The following CORIN variants were observed in gnomAD, a reference collection of about 807,000 sequenced individuals.
The protein encoded by CORIN is atrial natriuretic peptide-converting enzyme.
CORIN carries 117 observed loss-of-function variants against 125.3 expected under a neutral mutation model. That is an observed-to-expected ratio of 0.93 (90% confidence interval 0.80 to 1.09). The LOEUF (loss-of-function observed/expected upper bound fraction) is 1.09. Among genes scored for constraint, CORIN ranks in the 50% least tolerant of loss-of-function variants. The probability of loss-of-function intolerance (pLI) is 0.00; values close to 1 mark genes in which losing one functional copy is unlikely to be tolerated. For synonymous variants in CORIN, 450 were observed against 466.4 expected, an observed-to-expected ratio of 0.96 and a Z score of 0.45; for missense variants, 1,253 against 1,306.7, an observed-to-expected ratio of 0.96 and a Z score of 0.63.
At chr4:47,820,791 A>C (rs1042209848) in intron 1 of CORIN, among the ~76,000 whole-genome samples, 6 of 151,926 alleles carry the variant, frequency 3.9e-5, no homozygotes, top group African/African-American at 1.5e-4. Flanking sequence ...GTCCTTATGG[A>C]ATACACGAAC....
At chr4:47,600,907 C>T (rs1721424140) in intron 20 of CORIN, among the ~76,000 whole-genome samples, 2 of 152,176 alleles carry the variant, frequency 1.3e-5, no homozygotes, top group South Asian at 2.1e-4. Flanking sequence ...ACAAAGCCAT[C>T]CCTTGGTATT....
intron 16 of CORIN, among the ~76,000 whole-genome samples, chr4:47,631,754 A>C (rs1016976352): frequency 1.3e-5 from 2 of 152,178 alleles, no homozygotes; most frequent in African/African-American, 4.8e-5. Flanking sequence ...CCCTAGGGGC[A>C]AAGTCACCCC....
intron 5 of CORIN, among the ~76,000 whole-genome samples, chr4:47,717,296 C>CA (rs1267964829): frequency 6.6e-6 from 1 of 152,174 alleles, no homozygotes; most frequent in Non-Finnish European, 1.5e-5. Context: ...CTCTCACCCA[C>CA]AGCTTTGACC....
Position 47,678,034 on chromosome 4 carries a change from C to T in CORIN, c.1153G>A (p.Val385Met). The T allele has an allele frequency of 6.2e-7, 1 of 1,613,786 alleles. No individual in the cohort carries two copies. Among genetic ancestry groups the T allele is most frequent in the Non-Finnish European group, 8.5e-7 (1 of 1,179,688 alleles). ...VNCSCHSQGLVECRNGQCIPS... is the reference protein window; with the variant it reads ...VNCSCHSQGLMECRNGQCIPS... ...ATACATTGTCCATTTCTGCATTCCA[C>T]CAGACCCTGGCTGTGACAGGCTAGG... Residue 385 changes from valine to methionine, a missense_variant, in exon 9 of 22, where the codon GTG becomes ATG. By Grantham distance (21) the Val-to-Met change is conservative (BLOSUM62 1). Coordinates refer to ENST00000273857, the MANE Select transcript of CORIN (RefSeq NM_006587.4).
chr4:47,837,347 G>C (rs186146595), intron 1 of CORIN: 3 of 167,020 alleles, frequency 1.8e-5, no homozygotes, highest in Non-Finnish European at 2.5e-5. Context: ...ACACCCAGGC[G>C]CTCGCAGCTG....
chr4:47,638,720 G>A lies in CORIN; in HGVS notation c.2198+3200C>T, dbSNP rs60289254. ...AAACCTCTTTTTCTTCCCAGTCTCGGGTATGTCTTTATTAGCAGCATAAAA... is the reference window on the plus strand; with the variant it reads ...AAACCTCTTTTTCTTCCCAGTCTCGAGTATGTCTTTATTAGCAGCATAAAA... On this transcript the variant is annotated intron_variant, in intron 16 of 21. Transcript: ENST00000273857. Among the ~76,000 whole-genome samples the A allele has an allele frequency of 8.1e-3, 1,237 of 152,138 alleles. 16 individuals carry two copies. The highest frequency in any genetic ancestry group is 0.028 in the African/African-American group (1,157 of 41,498).
chr4:47,674,177 T>C (rs751190347), intron 10 of CORIN, among the ~76,000 whole-genome samples: 38 of 152,202 alleles, frequency 2.5e-4, no homozygotes, highest in South Asian at 6.2e-4. Flanking sequence ...TGTGGACTTA[T>C]AGGCGTTCGC....
At chr4:47,730,142 G>A (rs1727800257) in intron 5 of CORIN, among the ~76,000 whole-genome samples, 1 of 152,176 alleles carries the variant, frequency 6.6e-6, no homozygotes, top group Non-Finnish European at 1.5e-5. Context: ...GGTCCATTGA[G>A]TTGATTAACA....
At chr4:47,732,470 G>T (rs1168614295) in intron 5 of CORIN, among the ~76,000 whole-genome samples, 1 of 151,992 alleles carries the variant, frequency 6.6e-6, no homozygotes, top group Non-Finnish European at 1.5e-5. Flanking sequence ...CCCTCTAGTA[G>T]ACTAATTCTA....
chr4:47,650,766 T>C (rs972852131), intron 13 of CORIN, among the ~76,000 whole-genome samples: 5 of 152,224 alleles, frequency 3.3e-5, no homozygotes, highest in Non-Finnish European at 7.3e-5. Context: ...CATACAGTAA[T>C]TGACATCTTA....
intron 5 of CORIN, among the ~76,000 whole-genome samples, chr4:47,742,281 G>A (rs959080727): frequency 1.1e-4 from 17 of 151,808 alleles, no homozygotes; most frequent in African/African-American, 4.1e-4. Flanking sequence ...GTGAAATATT[G>A]AAAACCTTCT....
At chr4:47,745,218 A>G (rs950627804) in intron 4 of CORIN, among the ~76,000 whole-genome samples, 3 of 152,192 alleles carry the variant, frequency 2.0e-5, no homozygotes, top group African/African-American at 7.2e-5. Flanking sequence ...ATCTTTATTC[A>G]CTTAACATGC....
Position 47,595,440 on chromosome 4 carries a change from A to T in CORIN, c.*281T>A. 9.1e-6 allele frequency: 2 copies of T among 220,192 alleles called. No individual in the cohort carries two copies. The highest frequency in any genetic ancestry group is 1.8e-5 in the Non-Finnish European group (2 of 111,938). The allele number at this position is 220,192 out of a possible 1,614,324, so 13.6% of individuals were successfully genotyped here. A position where few individuals can be genotyped will look rare whatever the true frequency, so the allele number is the denominator to read the frequency against. ...GATTTTAAATCTCGCCAGAGTCGAT[A>T]ATTTTGTGCTGCAGTCATGGTTAGG... On this transcript the variant is annotated 3_prime_UTR_variant, in exon 22 of 22. Transcript: ENST00000273857.
rs13124685 is a variant in CORIN, at chr4:47,776,081, A to G, written c.409+10644T>C. Among the ~76,000 whole-genome samples, 79 of 130,904 alleles carry G rather than the reference A, an allele frequency of 6.0e-4. 2 individuals carry two copies. Among genetic ancestry groups the G allele is most frequent in the South Asian group, 4.9e-4 (2 of 4,080 alleles). The allele number at this position is 130,904 out of a possible 152,430, so 85.9% of individuals were successfully genotyped here. On this transcript the variant is annotated intron_variant, in intron 3 of 21. Transcript: ENST00000273857. Reference sequence around the variant, plus strand: ...GTTGCCCAGGCTGGAGTGCAATGGCAAGATCTCGGCTCACTTCAACTTCAA... The same window carrying G: ...GTTGCCCAGGCTGGAGTGCAATGGCGAGATCTCGGCTCACTTCAACTTCAA...
intron 19 of CORIN, among the ~76,000 whole-genome samples, chr4:47,606,676 T>C (rs12651506): frequency 8.1e-6 from 1 of 123,958 alleles, no homozygotes; most frequent in African/African-American, 2.7e-5. Flanking sequence ...TCCTTTCTTT[T>C]TCTTTCCTTT....
intron 5 of CORIN, among the ~76,000 whole-genome samples, chr4:47,710,137 GC>G (rs1289838244): frequency 6.6e-6 from 1 of 152,062 alleles, no homozygotes; most frequent in East Asian, 1.9e-4. Context: ...ATTGAAAGTA[GC>G]CTCATGATTT....
At chr4:47,780,737 G>A (rs1233666259) in intron 3 of CORIN, among the ~76,000 whole-genome samples, 1 of 152,120 alleles carries the variant, frequency 6.6e-6, no homozygotes, top group African/African-American at 2.4e-5. Context: ...TCTATTGAAT[G>A]TTTGAAAGTT....
At position 47,689,485 on chromosome 4, in the gene CORIN, C is replaced by G. The variant is rs559965655; in HGVS notation, c.913+3485G>C. On this transcript the variant is annotated intron_variant, in intron 6 of 21. Transcript: ENST00000273857. The stretch of plus-strand genomic sequence containing the variant: ...CTCGGTGTAATTAGATAGCCACCAT[C>G]CTCAAAAATAAGTCAACCAATTTTA... Among the ~76,000 whole-genome samples, 10 of 152,172 alleles carry G rather than the reference C, an allele frequency of 6.6e-5. 1 individual carries two copies. The South Asian group carries it at 2.1e-3, about 32-fold the overall frequency.
chr4:47,595,625 A>C lies in CORIN; in HGVS notation c.*96T>G. 1.2e-6 allele frequency: 1 copy of C among 841,758 alleles called. No individual in the cohort carries two copies. The highest frequency in any genetic ancestry group is 1.8e-6 in the Non-Finnish European group (1 of 569,460). The allele number at this position is 841,758 out of a possible 1,614,324, so 52.1% of individuals were successfully genotyped here. On this transcript the variant is annotated 3_prime_UTR_variant, in exon 22 of 22. Transcript: ENST00000273857. ...CGATTGAGCATTTCTGTCCATGAAA[A>C]GTGCTTCTGTACAGCTCTCTGCAGG...
Sources: allele counts gnomAD v4.1 joint callset (sites outside exome capture counted in the v4.1 genomes callset), GRCh38; gene constraint gnomAD v4.1.1; transcripts MANE v1.5; gene names NCBI Gene and HGNC (gene_info 2026-07-23, HGNC 2026-07-21).